Variants in GNA14 observed in about 807,000 individuals in gnomAD.
GNA14 encodes the protein G protein subunit alpha 14, also known as guanine nucleotide-binding protein subunit alpha-14.
In GNA14, 50 loss-of-function variants were observed where a neutral mutation model predicts 42.0. The ratio of observed to expected loss-of-function variants is 1.19; its 90% CI spans 0.95 to 1.51. GNA14 has a LOEUF of 1.51. GNA14 is among the 40% of genes most tolerant of loss of function. GNA14 has a pLI of 0.00. For missense variants in GNA14, 473 were observed against 446.2 expected (o/e 1.06, Z -0.54); for synonymous variants, 173 against 163.1 (o/e 1.06, Z -0.46).
chr9:77,523,904 TTCAC>T (rs983705723), intron 2 of GNA14, among the ~76,000 whole-genome samples: 2 of 152,296 alleles, frequency 1.3e-5, no homozygotes, highest in East Asian at 3.9e-4. Flanking sequence ...ATTTTTTTCC[TTCAC>T]TGTAGGACAG....
chr9:77,481,417 T>G (rs2131728834), intron 2 of GNA14, among the ~76,000 whole-genome samples: 1 of 152,328 alleles, frequency 6.6e-6, no homozygotes, highest in East Asian at 1.9e-4. Context: ...TGAGAGACAG[T>G]TTGTTATAAT....
intron 2 of GNA14, among the ~76,000 whole-genome samples, chr9:77,457,782 G>A (rs765642006): frequency 4.6e-5 from 7 of 152,086 alleles, no homozygotes; most frequent in Non-Finnish European, 8.8e-5. Context: ...GTCTAGTTTT[G>A]TAGTAGTTCT....
chr9:77,516,158 C>T (rs941919990), intron 2 of GNA14, among the ~76,000 whole-genome samples: 13 of 151,978 alleles, frequency 8.6e-5, no homozygotes, highest in African/African-American at 2.2e-4. Context: ...ATTAAATCCT[C>T]GAAGCTTTGT....
intron 2 of GNA14, among the ~76,000 whole-genome samples, chr9:77,483,145 T>G (rs912475561): frequency 7.9e-5 from 12 of 152,196 alleles, no homozygotes; most frequent in African/African-American, 2.9e-4. Flanking sequence ...TTTTAGAGTT[T>G]CCAGTTTTTC....
Position 77,647,870 on chromosome 9 carries a change from C to T in GNA14, c.-77G>A. The T allele has an allele frequency of 6.6e-7, 1 of 1,517,824 alleles. No homozygotes were observed. The highest frequency in any genetic ancestry group is 8.9e-7 in the Non-Finnish European group (1 of 1,127,274). The allele number at this position is 1,517,824 out of a possible 1,614,324, so 94.0% of individuals were successfully genotyped here. ...TCCTCGGCCCGGCCGCTCACCCGGC[C>T]AGCATGCGACGGGCACAGGGGTGTG... On this transcript the variant is annotated 5_prime_UTR_variant, in exon 1 of 7. Transcript: ENST00000341700.
At chr9:77,439,773 C>A (rs111413738) in intron 2 of GNA14, among the ~76,000 whole-genome samples, 2,331 of 152,324 alleles carry the variant, frequency 0.015, 28 homozygotes, top group Non-Finnish European at 0.023. Flanking sequence ...CACCTGCACT[C>A]TGAGCACAAG....
intron 2 of GNA14, among the ~76,000 whole-genome samples, chr9:77,446,259 C>T (rs1379733031): frequency 6.6e-6 from 1 of 152,228 alleles, no homozygotes; most frequent in Non-Finnish European, 1.5e-5. Context: ...TTTCACGGCC[C>T]TTCCAGACAA....
chr9:77,545,223 C>T (rs1267384286), intron 1 of GNA14, among the ~76,000 whole-genome samples: 2 of 152,138 alleles, frequency 1.3e-5, no homozygotes, highest in Non-Finnish European at 2.9e-5. Context: ...TTTCCTCCTC[C>T]ACTTCTAAAG....
intron 2 of GNA14, among the ~76,000 whole-genome samples, chr9:77,470,664 G>A (rs1836314961): frequency 6.6e-6 from 1 of 152,162 alleles, no homozygotes; most frequent in Non-Finnish European, 1.5e-5. Context: ...GAAGGTCACT[G>A]TTCTCACATA....
At chr9:77,561,998 C>T (rs1822890908) in intron 1 of GNA14, among the ~76,000 whole-genome samples, 1 of 152,134 alleles carries the variant, frequency 6.6e-6, no homozygotes, top group Non-Finnish European at 1.5e-5. Context: ...AAAAATCTAC[C>T]ACTGACTTTC....
chr9:77,502,104 G>T (rs1836986126), intron 2 of GNA14, among the ~76,000 whole-genome samples: 1 of 151,832 alleles, frequency 6.6e-6, no homozygotes, highest in African/African-American at 2.4e-5. Context: ...ATATTGTTTT[G>T]GTTATATTTT....
At position 77,616,308 on chromosome 9, in the gene GNA14, T is replaced by C. The variant is rs1350656079; in HGVS notation, c.124+31362A>G. On this transcript the variant is annotated intron_variant, in intron 1 of 6. Coordinates refer to ENST00000341700, the MANE Select transcript of GNA14 (RefSeq NM_004297.4). Reference sequence around the variant, plus strand: ...GTGACCCTACCCATGGGTAGAACCATTGGTGATACTCAAAAGATTTGGCAA... The same window carrying C: ...GTGACCCTACCCATGGGTAGAACCACTGGTGATACTCAAAAGATTTGGCAA... Among the ~76,000 whole-genome samples the C allele has an allele frequency of 3.3e-5, 5 of 152,324 alleles. No individual in the cohort carries two copies. The South Asian group carries it at 6.2e-4, about 19-fold the overall frequency.
chr9:77,547,902 T>TATG (rs560099531), intron 1 of GNA14, among the ~76,000 whole-genome samples: 84 of 152,194 alleles, frequency 5.5e-4, no homozygotes, highest in Middle Eastern at 3.2e-3. Flanking sequence ...CATTCATTAT[T>TATG]ATGATAAGTG....
chr9:77,647,744 A>C lies in GNA14; in HGVS notation c.50T>G (p.Ile17Ser). The C allele has an allele frequency of 6.2e-7, 1 of 1,609,934 alleles. No individual in the cohort carries two copies. The highest frequency in any genetic ancestry group is 8.5e-7 in the Non-Finnish European group (1 of 1,178,600). Reference protein sequence around the residue: ...LSAEEKESQRISAEIERQLRR... With the variant: ...LSAEEKESQRSSAEIERQLRR... ...AAGCTGTCGCTCGATCTCCGCGCTGATGCGCTGCGACTCCTTCTCCTCCGC... is the reference window on the plus strand; with the variant it reads ...AAGCTGTCGCTCGATCTCCGCGCTGCTGCGCTGCGACTCCTTCTCCTCCGC... The change falls in exon 1 of 7, where the codon ATC becomes AGC. Residue 17 changes from isoleucine to serine, a missense_variant. Physicochemically the swap from Ile to Ser is moderately radical, Grantham distance 142. Transcript: ENST00000341700.
chr9:77,480,866 T>C (rs1478780081), intron 2 of GNA14, among the ~76,000 whole-genome samples: 1 of 152,326 alleles, frequency 6.6e-6, no homozygotes, highest in South Asian at 2.1e-4. Flanking sequence ...TGATGGTAGT[T>C]TGTATTTCTG....
chr9:77,499,836 C>T (rs1178842972), intron 2 of GNA14, among the ~76,000 whole-genome samples: 1 of 151,602 alleles, frequency 6.6e-6, no homozygotes, highest in African/African-American at 2.4e-5. Context: ...GGTGACAGGG[C>T]AAGACTGTCT....
chr9:77,430,867 T>G (rs948017274), intron 4 of GNA14, among the ~76,000 whole-genome samples: 14 of 152,250 alleles, frequency 9.2e-5, no homozygotes, highest in African/African-American at 3.1e-4. Flanking sequence ...TTTGTACATA[T>G]TATTCTTCAC....
chr9:77,459,115 A>G (rs1366256362), intron 2 of GNA14, among the ~76,000 whole-genome samples: 3 of 152,208 alleles, frequency 2.0e-5, no homozygotes, highest in Non-Finnish European at 4.4e-5. Flanking sequence ...ACGCGCCTGT[A>G]ATCCCAGCTA....
intron 2 of GNA14, among the ~76,000 whole-genome samples, chr9:77,501,210 C>G (rs930652726): frequency 6.6e-6 from 1 of 152,172 alleles, no homozygotes; most frequent in African/African-American, 2.4e-5. Flanking sequence ...CTGCCTCAGC[C>G]TCCCAAAGTG....
Sources: gnomAD v4.1 joint callset for allele counts (sites outside exome capture counted in the v4.1 genomes callset) on GRCh38, gnomAD v4.1.1 for gene constraint, MANE v1.5 for transcripts, NCBI Gene and HGNC (gene_info 2026-07-23, HGNC 2026-07-21) for gene names.